Variants in SMAP2 observed in about 807,000 individuals in gnomAD.
SMAP2 encodes the protein stromal membrane-associated protein 2.
SMAP2 carries 25 observed loss-of-function variants against 56.4 expected under a neutral mutation model. That is an observed-to-expected ratio of 0.44 (90% confidence interval 0.32 to 0.62). SMAP2 has a LOEUF of 0.62. Among genes scored for constraint, SMAP2 ranks in the 20% least tolerant of loss-of-function variants. SMAP2 has a pLI of 0.04. For missense variants in SMAP2, 388 were observed against 545.6 expected (o/e 0.71, Z 2.88); for synonymous variants, 157 against 181.7 (o/e 0.86, Z 1.09).
chr1:40,381,177 C>G (rs1219054056), intron 1 of SMAP2, among the ~76,000 whole-genome samples: 2 of 152,136 alleles, frequency 1.3e-5, no homozygotes. Context: ...CCTGAGATCC[C>G]CCACTACATA....
At chr1:40,406,686 C>G in intron 1 of SMAP2, 50 bp from the exon 2 acceptor site, 1 of 1,564,770 alleles carries the variant, frequency 6.4e-7, no homozygotes, top group Non-Finnish European at 8.7e-7. Flanking sequence ...GTAGTTTAGG[C>G]CTTGAATGTT....
At position 40,385,516 on chromosome 1, in the gene SMAP2, A is replaced by T. The variant is rs1055949676; in HGVS notation, c.103+11293A>T. On this transcript the variant is annotated intron_variant, in intron 1 of 9. Coordinates refer to ENST00000372718, the MANE Select transcript of SMAP2 (RefSeq NM_022733.3). This position sits in a 1 kb window ranked among gnomAD's most constrained non-coding sequence, Gnocchi z 4.5. ...CTCAGGCCTCATGTCATTTCCCCTC[A>T]CCCACAAATCAAATGTGTAATGCTC... 3.9e-5 allele frequency among the ~76,000 whole-genome samples: 6 copies of T among 152,162 alleles called. No homozygotes were observed. Among genetic ancestry groups the T allele is most frequent in the Admixed American group, 6.5e-5 (1 of 15,276 alleles).
rs149219270 is a variant in SMAP2 at position 40,351,011 on chromosome 1, C to A, written c.-83+6101C>A. Reference sequence around the variant, plus strand: ...ACTCAAAGTCAGGAGCAGATCCAAACAATCTCCCTCCTTACCCAGAATCAC... The same window carrying A: ...ACTCAAAGTCAGGAGCAGATCCAAAAAATCTCCCTCCTTACCCAGAATCAC... On this transcript the variant is annotated intron_variant, in intron 1 of 6. Coordinates refer to the SMAP2 transcript ENST00000435168. 1.1e-3 allele frequency among the ~76,000 whole-genome samples: 167 copies of A among 152,326 alleles called. 1 individual carries two copies. Among genetic ancestry groups the A allele is most frequent in the African/African-American group, 3.8e-3 (157 of 41,578 alleles).
At chr1:40,378,561 C>G (rs1644563554) in intron 1 of SMAP2, among the ~76,000 whole-genome samples, 1 of 152,218 alleles carries the variant, frequency 6.6e-6, no homozygotes, top group Admixed American at 6.5e-5. Context: ...GTCCTCCCAT[C>G]TCAGCCTCCC....
At chr1:40,350,440 C>G (rs1470580140) in intron 1 of SMAP2, among the ~76,000 whole-genome samples, 3 of 152,160 alleles carry the variant, frequency 2.0e-5, no homozygotes, top group Non-Finnish European at 4.4e-5. Flanking sequence ...AGAAGAGGTT[C>G]AGGAATCAGT....
chr1:40,354,803 G>T (rs1301625091), intron 1 of SMAP2, among the ~76,000 whole-genome samples: 3 of 54,368 alleles, frequency 5.5e-5, no homozygotes, highest in African/African-American at 2.1e-4. Context: ...TTGAGACAGA[G>T]TCTCACTCTG....
chr1:40,417,037 A>G lies in SMAP2; in HGVS notation c.1105A>G (p.Met369Val). 2 of 1,614,014 alleles carry G rather than the reference A, an allele frequency of 1.2e-6. No individual in the cohort carries two copies. The highest frequency in any genetic ancestry group is 8.5e-7 in the Non-Finnish European group (1 of 1,179,970). The change falls in exon 9 of 10, where the codon ATG becomes GTG. Residue 369 changes from methionine to valine, a missense_variant. Physicochemically the swap from Met to Val is conservative, Grantham distance 21. Coordinates refer to ENST00000372718, the MANE Select transcript of SMAP2 (RefSeq NM_022733.3). The part of the protein sequence containing the change: ...QAGYMAGMAA[M>V]PQTVYGVQPA... ...TGGCTACATGGCAGGCATGGCAGCT[A>G]TGCCCCAGACTGTGTATGGGGTCCA... is the stretch of plus-strand genomic sequence containing the variant.
At chr1:40,379,131 C>T (rs1557829545) in intron 1 of SMAP2, among the ~76,000 whole-genome samples, 1 of 151,894 alleles carries the variant, frequency 6.6e-6, no homozygotes, top group African/African-American at 2.4e-5. Flanking sequence ...ACCACCACGC[C>T]CAGCTAATAT....
At chr1:40,403,177 T>C (rs1197372450) in intron 1 of SMAP2, among the ~76,000 whole-genome samples, 1 of 152,264 alleles carries the variant, frequency 6.6e-6, no homozygotes, top group Non-Finnish European at 1.5e-5. Context: ...TTGGTTCTGA[T>C]ATTTTAGGAC....
chr1:40,417,228 CTTTTTTT>C (rs34036744), intron 9 of SMAP2, 132 bp downstream of exon 9: 33 of 427,956 alleles, frequency 7.7e-5, no homozygotes, highest in Admixed American at 3.5e-4. Context: ...GTTAGGTTTG[CTTTTTTT>C]TTTTTTTTTT....
chr1:40,392,390 C>T (rs577124158), intron 1 of SMAP2, among the ~76,000 whole-genome samples: 2 of 152,282 alleles, frequency 1.3e-5, no homozygotes, highest in East Asian at 1.9e-4. Context: ...TGGCAGGCTC[C>T]GTGTTCCATT....
intron 9 of SMAP2, 93 bp from the exon 10 acceptor site, chr1:40,421,883 A>G: frequency 6.9e-7 from 1 of 1,442,728 alleles, no homozygotes; most frequent in South Asian, 1.2e-5. Flanking sequence ...CATTCTCCCC[A>G]TCCTGGCAGA....
chr1:40,409,844 T>G lies in SMAP2; in HGVS notation c.402+9T>G. 6.3e-7 allele frequency: 1 copy of G among 1,581,752 alleles called. No homozygotes were observed. The highest frequency in any genetic ancestry group is 8.7e-7 in the Non-Finnish European group (1 of 1,150,586). ...ACATCAATGCCTTTAGGGTTGGTTATACATCTTTCAAGTTTTGTCCACAAT... is the reference window on the plus strand; with the variant it reads ...ACATCAATGCCTTTAGGGTTGGTTAGACATCTTTCAAGTTTTGTCCACAAT... On this transcript the variant is annotated intron_variant, in intron 4 of 9. Transcript: ENST00000372718.
intron 1 of SMAP2, among the ~76,000 whole-genome samples, chr1:40,358,388 C>T (rs1476960681): frequency 1.3e-5 from 2 of 151,774 alleles, no homozygotes; most frequent in Admixed American, 6.6e-5. Flanking sequence ...GCTAAAAATA[C>T]AAAAAATTAG....
chr1:40,388,477 A>T (rs1430421088), intron 1 of SMAP2, among the ~76,000 whole-genome samples: 2 of 150,948 alleles, frequency 1.3e-5, no homozygotes, highest in African/African-American at 2.4e-5. Context: ...GTATCTAGCT[A>T]CTCTGGTGGG....
At chr1:40,375,861 T>G in intron 1 of SMAP2, 2 of 718,384 alleles carry the variant, frequency 2.8e-6, no homozygotes, top group Non-Finnish European at 3.4e-6. Context: ...CCCTTATACT[T>G]ACTCATATTC....
intron 2 of SMAP2, among the ~76,000 whole-genome samples, chr1:40,364,439 T>C (rs1644471389): frequency 6.6e-6 from 1 of 152,056 alleles, no homozygotes; most frequent in African/African-American, 2.4e-5. Context: ...CAGAAAATAA[T>C]TTATTAAAGA....
intron 9 of SMAP2, among the ~76,000 whole-genome samples, chr1:40,420,520 G>A (rs1475281210): frequency 6.6e-6 from 1 of 152,212 alleles, no homozygotes; most frequent in Non-Finnish European, 1.5e-5. Context: ...CTTTACAGAA[G>A]AATGACAGTA....
In SMAP2 at chr1:40,408,768, G is replaced by A. The variant is rs762864816; in HGVS notation, c.323+30G>A. 18 of 1,576,754 alleles carry A rather than the reference G, an allele frequency of 1.1e-5. No individual in the cohort carries two copies. Among genetic ancestry groups the A allele is most frequent in the Non-Finnish European group, 1.4e-5 (16 of 1,146,392 alleles). On this transcript the variant is annotated intron_variant, in intron 3 of 9. Transcript: ENST00000372718. This position sits in a 1 kb window ranked among gnomAD's most constrained non-coding sequence, Gnocchi z 4.3. ...CTTTTCTGGAGCAACTTAGAAGGCT[G>A]AGTGGTATTTTGATGCTTGGGGAGA...
Sources: gnomAD v4.1 joint callset for allele counts (sites outside exome capture counted in the v4.1 genomes callset) on GRCh38, gnomAD v4.1.1 for gene constraint, Gnocchi (gnomAD v3.1) non-coding constraint, MANE v1.5 for transcripts, NCBI Gene and HGNC (gene_info 2026-07-23, HGNC 2026-07-21) for gene names.